Variants in FCHSD2 observed in about 807,000 individuals in gnomAD.
The protein encoded by FCHSD2 is F-BAR and double SH3 domains protein 2.
Under a neutral mutation model 108.1 loss-of-function variants are expected in FCHSD2, and 38 were observed. The observed-to-expected ratio is 0.35, with a 90% confidence interval of 0.27 to 0.46. FCHSD2 has a LOEUF of 0.46. Among genes scored for constraint, FCHSD2 ranks in the 20% least tolerant of loss-of-function variants. The pLI is 1.00. For synonymous variants in FCHSD2, 279 were observed against 314.7 expected, an observed-to-expected ratio of 0.89 and a Z score of 1.20; for missense variants, 751 against 897.8, an observed-to-expected ratio of 0.84 and a Z score of 2.09.
intron 8 of FCHSD2, among the ~76,000 whole-genome samples, chr11:72,939,006 G>A (rs572099225): frequency 6.6e-5 from 10 of 152,266 alleles, no homozygotes; most frequent in African/African-American, 2.4e-4. Context: ...TACTAAACAT[G>A]TAATGCAGGA....
At chr11:73,067,250 A>G (rs1317981374) in intron 3 of FCHSD2, among the ~76,000 whole-genome samples, 1 of 152,158 alleles carries the variant, frequency 6.6e-6, no homozygotes, top group Non-Finnish European at 1.5e-5. Flanking sequence ...GAAACACTGC[A>G]TGTTCTCACT....
At chr11:72,857,168 G>T (rs886435657) in intron 13 of FCHSD2, among the ~76,000 whole-genome samples, 4 of 152,154 alleles carry the variant, frequency 2.6e-5, no homozygotes, top group African/African-American at 9.7e-5. Context: ...AGCAATAGCG[G>T]TCACTGTCAT....
intron 5 of FCHSD2, among the ~76,000 whole-genome samples, chr11:72,992,808 G>T (rs1857443018): frequency 6.6e-6 from 1 of 152,156 alleles, no homozygotes. Context: ...AAAAACCCTA[G>T]AAGAAAAGCT....
chr11:73,123,838 T>C (rs1860790967), intron 2 of FCHSD2, among the ~76,000 whole-genome samples: 1 of 152,144 alleles, frequency 6.6e-6, no homozygotes, highest in Non-Finnish European at 1.5e-5. Context: ...TTAAACTTCT[T>C]TGCCTTTCAG....
chr11:73,004,182 G>A (rs369305227), intron 4 of FCHSD2, among the ~76,000 whole-genome samples: 26 of 148,360 alleles, frequency 1.8e-4, no homozygotes, highest in African/African-American at 5.5e-4. Context: ...ATATCACATG[G>A]TAAGTACTAC....
chr11:73,118,562 C>T (rs1007845338), intron 2 of FCHSD2, among the ~76,000 whole-genome samples: 4 of 152,192 alleles, frequency 2.6e-5, no homozygotes, highest in Non-Finnish European at 4.4e-5. Context: ...GAGATTCACC[C>T]ACATTGATGT....
At chr11:72,967,411 T>G (rs1049346766) in intron 8 of FCHSD2, among the ~76,000 whole-genome samples, 1 of 152,034 alleles carries the variant, frequency 6.6e-6, no homozygotes. Context: ...CATATCAATA[T>G]GACTATTATT....
intron 3 of FCHSD2, among the ~76,000 whole-genome samples, chr11:73,080,547 A>G (rs1034759314): frequency 2.0e-5 from 3 of 152,174 alleles, no homozygotes; most frequent in African/African-American, 7.2e-5. Flanking sequence ...TATATTGAAA[A>G]GAGTAGGCTG....
chr11:72,869,065 C>T (rs1286806354), intron 12 of FCHSD2, among the ~76,000 whole-genome samples: 1 of 151,976 alleles, frequency 6.6e-6, no homozygotes, highest in African/African-American at 2.4e-5. Context: ...TACCACCACA[C>T]CCGGCTAATT....
At chr11:72,867,736 G>A (rs1012916628) in intron 13 of FCHSD2, 129 bp downstream of exon 13, 4 of 725,648 alleles carry the variant, frequency 5.5e-6, no homozygotes, top group Non-Finnish European at 8.9e-6. Context: ...ATAGGCTGAA[G>A]AATAAAACCT....
At chr11:73,135,663 A>G (rs1463363535) in intron 2 of FCHSD2, among the ~76,000 whole-genome samples, 1 of 152,196 alleles carries the variant, frequency 6.6e-6, no homozygotes, top group Non-Finnish European at 1.5e-5. Context: ...CAGGAAACAC[A>G]TCAGTATAAA....
chr11:72,875,216 A>G (rs567616666), intron 12 of FCHSD2, among the ~76,000 whole-genome samples: 4 of 152,306 alleles, frequency 2.6e-5, no homozygotes, highest in Admixed American at 1.3e-4. Context: ...AATGGTAGAT[A>G]ATAGTATTTG....
intron 10 of FCHSD2, among the ~76,000 whole-genome samples, chr11:72,896,502 T>A (rs547433969): frequency 6.6e-6 from 1 of 152,172 alleles, no homozygotes; most frequent in Non-Finnish European, 1.5e-5. Flanking sequence ...AGGGCAGAGA[T>A]GTTGAAAAGT....
chr11:72,923,523 A>G (rs945090335), intron 8 of FCHSD2, among the ~76,000 whole-genome samples: 14 of 152,060 alleles, frequency 9.2e-5, no homozygotes, highest in African/African-American at 1.9e-4. Context: ...TAGGAACGGT[A>G]TATCTTTGTA....
chr11:73,133,680 C>A lies in FCHSD2; in HGVS notation c.119+6351G>T, dbSNP rs147907021. ...GTACGGTGGCGGGCACCTATAATCC[C>A]AGCTACTCAGGAGGCTGAGGCAGAA... is the stretch of plus-strand genomic sequence containing the variant. On this transcript the variant is annotated intron_variant, in intron 2 of 19. Coordinates refer to ENST00000409418, the MANE Select transcript of FCHSD2 (RefSeq NM_014824.3). 5.9e-5 allele frequency among the ~76,000 whole-genome samples: 9 copies of A among 151,628 alleles called. No individual in the cohort carries two copies. In the East Asian group the frequency reaches 1.7e-3, roughly 29 times the overall value.
chr11:72,991,343 T>C (rs1365873323), intron 5 of FCHSD2, among the ~76,000 whole-genome samples: 1 of 152,140 alleles, frequency 6.6e-6, no homozygotes, highest in Non-Finnish European at 1.5e-5. Context: ...AAAGAGGGAA[T>C]CCTCCCTAAC....
intron 2 of FCHSD2, among the ~76,000 whole-genome samples, chr11:73,103,698 T>C (rs1860275325): frequency 6.6e-6 from 1 of 152,176 alleles, no homozygotes; most frequent in African/African-American, 2.4e-5. Flanking sequence ...TGAAAAAATA[T>C]GTACTTTCAA....
Position 72,986,493 on chromosome 11 carries a change from G to A in FCHSD2, c.522-1377C>T, listed in dbSNP as rs535395266. ...CAAAGTGCTGGGATTACAGGCGTGAGCCACCGTGCCCGGCCCCAATTATTT... is the reference window on the plus strand; with the variant it reads ...CAAAGTGCTGGGATTACAGGCGTGAACCACCGTGCCCGGCCCCAATTATTT... On this transcript the variant is annotated intron_variant, in intron 6 of 19. Transcript: ENST00000409418. Among the ~76,000 whole-genome samples the A allele has an allele frequency of 3.9e-5, 6 of 152,292 alleles. No homozygotes were observed. In the East Asian group the frequency reaches 7.7e-4, roughly 20 times the overall value.
chr11:72,932,837 A>G (rs1856222083), intron 8 of FCHSD2, among the ~76,000 whole-genome samples: 1 of 152,242 alleles, frequency 6.6e-6, no homozygotes, highest in African/African-American at 2.4e-5. Context: ...GGTAGTGCTC[A>G]ATAAATATCT....
Sources: gnomAD v4.1 joint callset for allele counts (sites outside exome capture counted in the v4.1 genomes callset) on GRCh38, gnomAD v4.1.1 for gene constraint, MANE v1.5 for transcripts, NCBI Gene and HGNC (gene_info 2026-07-23, HGNC 2026-07-21) for gene names.